Variants in RXRA observed in about 807,000 individuals in gnomAD.
RXRA encodes the protein retinoid X receptor alpha.
Under a neutral mutation model 44.5 loss-of-function variants are expected in RXRA, and 5 were observed. That is an observed-to-expected ratio of 0.11 (90% confidence interval 0.06 to 0.24). RXRA has a LOEUF of 0.24. Among genes scored for constraint, RXRA ranks in the 10% least tolerant of loss-of-function variants. The probability of loss-of-function intolerance (pLI) is 1.00; values close to 1 mark genes in which losing one functional copy is unlikely to be tolerated. For synonymous variants in RXRA, 291 were observed against 271.4 expected, an observed-to-expected ratio of 1.07 and a Z score of -0.71; for missense variants, 412 against 646.5, an observed-to-expected ratio of 0.64 and a Z score of 3.93.
intron 7 of RXRA, among the ~76,000 whole-genome samples, chr9:134,430,051 AT>A (rs1470337192): frequency 6.6e-6 from 1 of 151,578 alleles, no homozygotes; most frequent in Non-Finnish European, 1.5e-5. Context: ...ACGCCCGGCT[AT>A]TTTTTTTGTA....
At chr9:134,384,426 A>G (rs571251361) in intron 1 of RXRA, among the ~76,000 whole-genome samples, 1 of 151,820 alleles carries the variant, frequency 6.6e-6, no homozygotes, top group Non-Finnish European at 1.5e-5. Flanking sequence ...GGATGGAGTC[A>G]GGGGATATGG....
At chr9:134,374,432 G>T (rs901130192) in intron 1 of RXRA, among the ~76,000 whole-genome samples, 3 of 152,204 alleles carry the variant, frequency 2.0e-5, no homozygotes, top group African/African-American at 7.2e-5. Flanking sequence ...TGAATCGCAG[G>T]CCACCCTCCT....
At chr9:134,398,875 C>G (rs1830919166) in intron 1 of RXRA, among the ~76,000 whole-genome samples, 1 of 152,266 alleles carries the variant, frequency 6.6e-6, no homozygotes, top group African/African-American at 2.4e-5. Flanking sequence ...GGTTTGGGCT[C>G]CCTGCATGGC....
chr9:134,364,047 A>G (rs142080747), intron 1 of RXRA, among the ~76,000 whole-genome samples: 1 of 152,164 alleles, frequency 6.6e-6, no homozygotes, highest in Non-Finnish European at 1.5e-5. Flanking sequence ...CATGGTGGGC[A>G]TACCGGGTCT....
chr9:134,391,411 A>G (rs895510742), intron 1 of RXRA, among the ~76,000 whole-genome samples: 2 of 152,188 alleles, frequency 1.3e-5, no homozygotes, highest in African/African-American at 2.4e-5. Flanking sequence ...CGAGAGCAAC[A>G]TGGCTCAAAA....
At position 134,432,064 on chromosome 9, in the gene RXRA, C is replaced by T. The variant is rs35595471; in HGVS notation, c.1135+68C>T. 1.6e-3 allele frequency: 1,971 copies of T among 1,235,758 alleles called. 55 individuals carry two copies. The East Asian group carries it at 0.041, about 25-fold the overall frequency. The allele number at this position is 1,235,758 out of a possible 1,614,324, so 76.5% of individuals were successfully genotyped here. A position where few individuals can be genotyped will look rare whatever the true frequency, so the allele number is the denominator to read the frequency against. On this transcript the variant is annotated intron_variant, in intron 8 of 9. Coordinates refer to ENST00000481739, the MANE Select transcript of RXRA (RefSeq NM_002957.6). ...TGGGGCAGAGGTGCCTGGGCCTCCT[C>T]CTGGCTGTACTTCTTGCCTCTGGCT... is the stretch of plus-strand genomic sequence containing the variant.
chr9:134,396,580 C>T (rs866276434), intron 1 of RXRA, among the ~76,000 whole-genome samples: 4 of 152,100 alleles, frequency 2.6e-5, no homozygotes, highest in Admixed American at 6.6e-5. Flanking sequence ...CAGGCAGGCT[C>T]AGGACCAGCT....
chr9:134,411,758 C>T (rs974947202), intron 4 of RXRA, among the ~76,000 whole-genome samples: 4 of 152,234 alleles, frequency 2.6e-5, no homozygotes, highest in African/African-American at 7.2e-5. Context: ...GTGGAGGGCA[C>T]CTCTGCGTGG....
chr9:134,354,620 G>T (rs1588260381), intron 1 of RXRA, among the ~76,000 whole-genome samples: 1 of 152,364 alleles, frequency 6.6e-6, no homozygotes, highest in East Asian at 1.9e-4. Flanking sequence ...TGATTCTGTT[G>T]TGCCCCAGGG....
At chr9:134,376,161 A>G (rs1318393357) in intron 1 of RXRA, among the ~76,000 whole-genome samples, 1 of 152,180 alleles carries the variant, frequency 6.6e-6, no homozygotes, top group Non-Finnish European at 1.5e-5. Context: ...TTGGGGCGGA[A>G]GAAGGCGGCC....
intron 1 of RXRA, among the ~76,000 whole-genome samples, chr9:134,381,591 C>T (rs1367656489): frequency 2.0e-5 from 3 of 151,970 alleles, no homozygotes; most frequent in Middle Eastern, 3.2e-3. Context: ...ATGTGGCGCC[C>T]GCCCTTCTCC....
At chr9:134,380,067 C>T in intron 1 of RXRA, 3 of 985,474 alleles carry the variant, frequency 3.0e-6, no homozygotes, top group Non-Finnish European at 3.6e-6. Context: ...CCTGCCCTCT[C>T]CCCTGCAGCC....
rs139042466 is a variant in RXRA, at chr9:134,411,549, C to T, written c.610+2430C>T. Among the ~76,000 whole-genome samples the T allele has an allele frequency of 8.7e-4, 133 of 152,356 alleles. 2 individuals carry two copies. The highest frequency in any genetic ancestry group is 2.0e-3 in the Admixed American group (30 of 15,308). ...ACCAGGCGTGGCCCCCATTTCTTGC[C>T]GGTCCTTCCTGCTTCCAGTCCTTCC... On this transcript the variant is annotated intron_variant, in intron 4 of 9. Coordinates refer to ENST00000481739, the MANE Select transcript of RXRA (RefSeq NM_002957.6).
chr9:134,400,744 G>C (rs571690452), intron 1 of RXRA, among the ~76,000 whole-genome samples: 46 of 152,338 alleles, frequency 3.0e-4, no homozygotes, highest in Non-Finnish European at 5.9e-4. Context: ...TCAAAGGCGG[G>C]AGTGTGGGAG....
At chr9:134,427,280 G>A in intron 6 of RXRA, 1 of 548,012 alleles carries the variant, frequency 1.8e-6, no homozygotes. Context: ...GCATGCTGCG[G>A]CCTTGGTTGT....
chr9:134,348,677 G>C (rs935240360), intron 1 of RXRA, among the ~76,000 whole-genome samples: 2 of 152,212 alleles, frequency 1.3e-5, no homozygotes, highest in African/African-American at 4.8e-5. Flanking sequence ...GCCTACGTAC[G>C]CCCTGTCCTC....
intron 1 of RXRA, among the ~76,000 whole-genome samples, chr9:134,355,694 G>C (rs1554750000): frequency 6.6e-6 from 1 of 152,150 alleles, no homozygotes; most frequent in African/African-American, 2.4e-5. Context: ...CCCCCGCTGG[G>C]TGGGGGAGGT....
rs981916742 is a variant in RXRA, at chr9:134,417,642, C to G, written c.780+315C>G. Among the ~76,000 whole-genome samples the G allele has an allele frequency of 5.3e-5, 8 of 152,124 alleles. No individual in the cohort carries two copies. The highest frequency in any genetic ancestry group is 1.9e-4 in the African/African-American group (8 of 41,422). Reference sequence around the variant, plus strand: ...TCTGCTGGGGCCTCAGCCGCCGTGTCCCCTCGGAGTTTGGCCTGTCTCGGT... The same window carrying G: ...TCTGCTGGGGCCTCAGCCGCCGTGTGCCCTCGGAGTTTGGCCTGTCTCGGT... On this transcript the variant is annotated intron_variant, in intron 5 of 9. Coordinates refer to ENST00000481739, the MANE Select transcript of RXRA (RefSeq NM_002957.6). This position sits in a 1 kb window ranked among gnomAD's most constrained non-coding sequence, Gnocchi z 6.1.
chr9:134,401,132 C>T (rs940756402), intron 1 of RXRA, among the ~76,000 whole-genome samples: 8 of 152,242 alleles, frequency 5.3e-5, no homozygotes, highest in African/African-American at 1.2e-4. Flanking sequence ...CCCAAATCCA[C>T]GAATTTACCC....
Sources: gnomAD v4.1 joint callset for allele counts (sites outside exome capture counted in the v4.1 genomes callset) on GRCh38, gnomAD v4.1.1 for gene constraint, Gnocchi (gnomAD v3.1) non-coding constraint, MANE v1.5 for transcripts, NCBI Gene and HGNC (gene_info 2026-07-23, HGNC 2026-07-21) for gene names.